The following PSPC1 variants were observed in gnomAD, a reference collection of about 807,000 sequenced individuals.
PSPC1 encodes the protein paraspeckle protein 1.
In PSPC1, 14 loss-of-function variants were observed where a neutral mutation model predicts 51.6. The ratio of observed to expected loss-of-function variants is 0.27; its 90% CI spans 0.18 to 0.42. The LOEUF (loss-of-function observed/expected upper bound fraction) is 0.42. Among genes scored for constraint, PSPC1 ranks in the 10% least tolerant of loss-of-function variants. PSPC1 has a pLI of 1.00. For synonymous variants in PSPC1, 193 were observed against 231.9 expected (o/e 0.83, Z 1.53); for missense variants, 406 against 701.1 (o/e 0.58, Z 4.75).
chr13:19,733,364 A>C (rs1020365493), intron 5 of PSPC1, among the ~76,000 whole-genome samples: 3 of 152,184 alleles, frequency 2.0e-5, no homozygotes, highest in Admixed American at 6.5e-5. Context: ...TTGGTGGCTC[A>C]CACCTGTAAT....
chr13:19,740,490 C>T (rs971120825), intron 5 of PSPC1, among the ~76,000 whole-genome samples: 3 of 152,128 alleles, frequency 2.0e-5, no homozygotes, highest in South Asian at 2.1e-4. Context: ...AATTTGTTCA[C>T]GGTTTTTCAC....
chr13:19,781,209 G>A (rs967821157), intron 1 of PSPC1, among the ~76,000 whole-genome samples: 2 of 150,820 alleles, frequency 1.3e-5, no homozygotes, highest in Non-Finnish European at 1.5e-5. Context: ...ACGGGATCTC[G>A]CTCTGTCGCC....
Position 19,782,541 on chromosome 13 carries a change from G to C in PSPC1, c.217C>G (p.Pro73Ala). 6.2e-7 allele frequency: 1 copy of C among 1,613,082 alleles called. No homozygotes were observed. Among genetic ancestry groups the C allele is most frequent in the Admixed American group, 1.7e-5 (1 of 59,930 alleles). Residue 73 changes from proline (P) to alanine (A), a missense_variant, in exon 1 of 9, where the codon CCG becomes GCG. Pro to Ala is a conservative substitution (Grantham distance 27). This residue lies in a region of PSPC1 where 128 missense variants were observed against 107.1 expected (regional missense o/e 1.20). Coordinates refer to ENST00000338910, the MANE Select transcript of PSPC1 (RefSeq NM_001354909.2). This position sits in a 1 kb window ranked among gnomAD's most constrained non-coding sequence, Gnocchi z 4.5. ...FTIDIKSFLK[P>A]GEKTYTQRCR... is the part of the protein sequence containing the mutation. ...CGCTGCGTGTACGTCTTCTCGCCCG[G>C]CTTGAGGAAACTCTTGATGTCGATA...
chr13:19,738,077 A>G (rs1469570771), intron 5 of PSPC1, among the ~76,000 whole-genome samples: 1 of 152,188 alleles, frequency 6.6e-6, no homozygotes, highest in Non-Finnish European at 1.5e-5. Flanking sequence ...GTGACAGGGC[A>G]AGACCTTGTC....
At chr13:19,711,656 A>AG (rs1310618437) in intron 6 of PSPC1, among the ~76,000 whole-genome samples, 1 of 149,234 alleles carries the variant, frequency 6.7e-6, no homozygotes, top group East Asian at 2.0e-4. Context: ...AAAAAAAAAA[A>AG]AAAAAGAAAC....
chr13:19,735,277 C>T (rs1054984761), intron 5 of PSPC1, among the ~76,000 whole-genome samples: 1 of 152,074 alleles, frequency 6.6e-6, no homozygotes, highest in Admixed American at 6.6e-5. Flanking sequence ...CGCCACCGCA[C>T]TCCAGCCTGG....
At chr13:19,752,582 A>C (rs1232023908) in intron 3 of PSPC1, among the ~76,000 whole-genome samples, 1 of 150,104 alleles carries the variant, frequency 6.7e-6, no homozygotes, top group Non-Finnish European at 1.5e-5. Flanking sequence ...TCACTTTTTT[A>C]TTTATTTATT....
chr13:19,718,925 A>T (rs1476159274), intron 6 of PSPC1, among the ~76,000 whole-genome samples: 1 of 152,260 alleles, frequency 6.6e-6, no homozygotes, highest in Non-Finnish European at 1.5e-5. Context: ...AAAAAACTAA[A>T]CTATGGAGAC....
In PSPC1 at chr13:19,705,493, C is replaced by CAA. The variant is rs397797926; in HGVS notation, c.1386+167_1386+168dup. Among the ~76,000 whole-genome samples the CAA allele has an allele frequency of 3.4e-3, 439 of 129,160 alleles. 1 individual carries two copies. Among genetic ancestry groups the CAA allele is most frequent in the South Asian group, 0.017 (67 of 4,032 alleles). 84.7% of individuals were successfully genotyped at this position (129,160 alleles called of 152,430 possible). ...GGCAATAGTGCGAGACTCTCTGTCT[C>CAA]AAAAAAAAAAAAAACTATCTGTAAC... On this transcript the variant is annotated intron_variant, in intron 8 of 8. Coordinates refer to ENST00000338910, the MANE Select transcript of PSPC1 (RefSeq NM_001354909.2).
intron 4 of PSPC1, among the ~76,000 whole-genome samples, chr13:19,746,746 G>T (rs372714850): frequency 5.9e-5 from 9 of 151,954 alleles, no homozygotes; most frequent in African/African-American, 2.2e-4. Flanking sequence ...ATCTAGAAAG[G>T]ACTAAATAAT....
chr13:19,696,998 C>T (rs1299647000), intron 6 of PSPC1, among the ~76,000 whole-genome samples: 1 of 152,156 alleles, frequency 6.6e-6, no homozygotes, highest in African/African-American at 2.4e-5. Context: ...TGGACTTTTG[C>T]AGTGCTTATC....
chr13:19,700,790 A>G (rs1879811208), downstream of PSPC1, among the ~76,000 whole-genome samples: 1 of 152,136 alleles, frequency 6.6e-6, no homozygotes, highest in African/African-American at 2.4e-5. Context: ...AAGATAGCAT[A>G]TATGACAACT....
intron 3 of PSPC1, among the ~76,000 whole-genome samples, chr13:19,753,883 G>C (rs1432711929): frequency 5.3e-5 from 8 of 152,060 alleles, no homozygotes; most frequent in Non-Finnish European, 8.8e-5. Flanking sequence ...AAGTGGGAAA[G>C]ATTGGGAGAA....
chr13:19,777,085 G>GCACTCCA (rs909856337), intron 1 of PSPC1, among the ~76,000 whole-genome samples: 4 of 137,728 alleles, frequency 2.9e-5, no homozygotes, highest in Non-Finnish European at 6.1e-5. Flanking sequence ...GTGTGCCACT[G>GCACTCCA]CACTCCAGCC....
At chr13:19,725,604 T>TAAACA (rs532633919) in intron 6 of PSPC1, among the ~76,000 whole-genome samples, 84 of 151,188 alleles carry the variant, frequency 5.6e-4, no homozygotes, top group African/African-American at 1.8e-3. Flanking sequence ...TAGGGCAAAA[T>TAAACA]AAACAAAACA....
At chr13:19,713,617 C>T (rs9578206) in intron 6 of PSPC1, among the ~76,000 whole-genome samples, 15,315 of 147,762 alleles carry the variant, frequency 0.1, 908 homozygotes, top group African/African-American at 0.17. Context: ...CTTATCTTTG[C>T]GGTATTTATA....
intron 6 of PSPC1, among the ~76,000 whole-genome samples, chr13:19,692,243 C>T (rs1878658053): frequency 1.3e-5 from 2 of 152,112 alleles, no homozygotes; most frequent in Admixed American, 6.6e-5. Context: ...CCTGCCTCAG[C>T]CTCCCGAGTA....
intron 6 of PSPC1, among the ~76,000 whole-genome samples, chr13:19,710,784 T>G (rs185636189): frequency 1.1e-3 from 172 of 152,222 alleles, no homozygotes; most frequent in Non-Finnish European, 1.9e-3. Context: ...CATGAAGAGA[T>G]AAAATGCTTT....
At chr13:19,781,404 T>C (rs1247328167) in intron 1 of PSPC1, among the ~76,000 whole-genome samples, 2 of 152,064 alleles carry the variant, frequency 1.3e-5, no homozygotes, top group Non-Finnish European at 1.5e-5. Flanking sequence ...ATCATAATTT[T>C]TGCATAAATT....
Sources: allele counts gnomAD v4.1 joint callset (sites outside exome capture counted in the v4.1 genomes callset), GRCh38; gene constraint gnomAD v4.1.1; regional missense constraint gnomAD v4.1.1; non-coding constraint Gnocchi (gnomAD v3.1); transcripts MANE v1.5; gene names NCBI Gene and HGNC (gene_info 2026-07-23, HGNC 2026-07-21).